Variants in SLC25A26 observed in about 807,000 individuals in gnomAD.
The protein encoded by SLC25A26 is solute carrier family 25 member 26, also known as mitochondrial S-adenosylmethionine carrier protein.
A neutral mutation model predicts 37.8 loss-of-function variants in SLC25A26; 36 were observed. The ratio of observed to expected loss-of-function variants is 0.95; its 90% CI spans 0.73 to 1.26. The LOEUF (loss-of-function observed/expected upper bound fraction) is 1.26. SLC25A26 is among the 50% of genes most tolerant of loss of function. SLC25A26 has a pLI of 0.00. For synonymous variants in SLC25A26, 129 were observed against 122.5 expected (o/e 1.05, Z -0.35); for missense variants, 390 against 331.1 (o/e 1.18, Z -1.38).
intron 1 of SLC25A26, among the ~76,000 whole-genome samples, chr3:66,184,971 T>C (rs1288784619): frequency 6.6e-6 from 1 of 152,182 alleles, no homozygotes; most frequent in East Asian, 1.9e-4. Flanking sequence ...GTAAAATAAA[T>C]GTAATATAAA....
chr3:66,196,570 G>A (rs1256032209), intron 1 of SLC25A26, among the ~76,000 whole-genome samples: 1 of 152,152 alleles, frequency 6.6e-6, no homozygotes, highest in South Asian at 2.1e-4. Context: ...TTCTAGATTA[G>A]CTATTTTGTG....
intron 5 of SLC25A26, among the ~76,000 whole-genome samples, chr3:66,302,716 G>A (rs1284025614): frequency 6.6e-6 from 1 of 152,166 alleles, no homozygotes; most frequent in Non-Finnish European, 1.5e-5. Context: ...ATTGAGCTGG[G>A]CAGGTGTGCT....
intron 6 of SLC25A26, among the ~76,000 whole-genome samples, chr3:66,350,012 C>T (rs940692144): frequency 3.3e-5 from 5 of 152,176 alleles, no homozygotes; most frequent in Non-Finnish European, 7.3e-5. Context: ...TCTGAACGTA[C>T]AATCACAGTG....
chr3:66,176,850 A>G lies in SLC25A26; in HGVS notation c.-354+42866A>G, dbSNP rs147506191. ...GAAGGGGTGAAAGGTGGTGAGATGA[A>G]AAGGGAAGGCCCTGGGAAATCGACC... On this transcript the variant is annotated intron_variant, in intron 1 of 10. Coordinates refer to the SLC25A26 transcript ENST00000676754. Among the ~76,000 whole-genome samples, 276 of 152,296 alleles carry G rather than the reference A, an allele frequency of 1.8e-3. 1 individual carries two copies. In the East Asian group the frequency reaches 0.021, roughly 12 times the overall value.
intron 1 of SLC25A26, among the ~76,000 whole-genome samples, chr3:66,152,268 C>T (rs2070219428): frequency 6.6e-6 from 1 of 152,290 alleles, no homozygotes; most frequent in South Asian, 2.1e-4. Flanking sequence ...AAGGGCTACA[C>T]TTTGAGTAGC....
intron 1 of SLC25A26, among the ~76,000 whole-genome samples, chr3:66,202,612 G>C (rs904408289): frequency 1.3e-5 from 2 of 151,222 alleles, no homozygotes; most frequent in African/African-American, 4.9e-5. Context: ...AGCTTGCTTC[G>C]TTGTAAGAAT....
At chr3:66,349,917 G>C (rs2076411656) in intron 6 of SLC25A26, among the ~76,000 whole-genome samples, 1 of 152,040 alleles carries the variant, frequency 6.6e-6, no homozygotes, top group African/African-American at 2.4e-5. Flanking sequence ...CTTGTGAATT[G>C]GTGTCTCATT....
chr3:66,317,048 A>G (rs1047573805), intron 5 of SLC25A26, among the ~76,000 whole-genome samples: 5 of 152,210 alleles, frequency 3.3e-5, no homozygotes, highest in African/African-American at 1.2e-4. Flanking sequence ...GAGTTAGAAC[A>G]CACTCCTTTA....
chr3:66,233,708 T>C (rs1254894444), intron 1 of SLC25A26, among the ~76,000 whole-genome samples: 2 of 152,210 alleles, frequency 1.3e-5, no homozygotes, highest in Admixed American at 1.3e-4. Context: ...TTTCTTTTTT[T>C]TCAGTCGCAT....
At chr3:66,252,278 A>G (rs2073114304) in intron 3 of SLC25A26, among the ~76,000 whole-genome samples, 1 of 152,220 alleles carries the variant, frequency 6.6e-6, no homozygotes, top group Non-Finnish European at 1.5e-5. Context: ...TGTGCTTTTC[A>G]ATATTTGAGT....
At chr3:66,375,754 C>G (rs1700610955) in intron 9 of SLC25A26, among the ~76,000 whole-genome samples, 2 of 152,096 alleles carry the variant, frequency 1.3e-5, no homozygotes, top group Admixed American at 6.6e-5. Flanking sequence ...CCCTGGAGTT[C>G]TGCTGGAGAT....
chr3:66,203,932 C>T (rs1390497439), intron 1 of SLC25A26, among the ~76,000 whole-genome samples: 1 of 152,120 alleles, frequency 6.6e-6, no homozygotes, highest in Non-Finnish European at 1.5e-5. Context: ...TTTGTATTCC[C>T]TATTCCAAAT....
At chr3:66,244,296 C>T (rs919126657) in intron 3 of SLC25A26, among the ~76,000 whole-genome samples, 2 of 152,178 alleles carry the variant, frequency 1.3e-5, no homozygotes, top group Admixed American at 6.5e-5. Context: ...CAAGCCCGAA[C>T]CTGCACTGAA....
chr3:66,235,544 G>A (rs1460373782), intron 1 of SLC25A26, among the ~76,000 whole-genome samples: 1 of 152,106 alleles, frequency 6.6e-6, no homozygotes, highest in Non-Finnish European at 1.5e-5. Context: ...TACTGTATGA[G>A]TCCTTAGATG....
chr3:66,364,924 C>T (rs536103024), intron 7 of SLC25A26, among the ~76,000 whole-genome samples: 2 of 152,294 alleles, frequency 1.3e-5, no homozygotes, highest in South Asian at 2.1e-4. Context: ...AGTAGAACCA[C>T]ATATATTTAG....
chr3:66,195,862 G>T (rs1324826639), intron 1 of SLC25A26, among the ~76,000 whole-genome samples: 2 of 152,192 alleles, frequency 1.3e-5, no homozygotes, highest in Non-Finnish European at 2.9e-5. Flanking sequence ...TTACATGGAA[G>T]ACCTAAATTC....
At chr3:66,195,988 T>C (rs2071038682) in intron 1 of SLC25A26, among the ~76,000 whole-genome samples, 1 of 152,270 alleles carries the variant, frequency 6.6e-6, no homozygotes, top group African/African-American at 2.4e-5. Flanking sequence ...TACATTTATT[T>C]GTATGAATTT....
chr3:66,281,789 C>T (rs1017595884), intron 5 of SLC25A26, among the ~76,000 whole-genome samples: 1 of 147,718 alleles, frequency 6.8e-6, no homozygotes, highest in Non-Finnish European at 1.5e-5. Context: ...CTTCAGCCTA[C>T]TTCTGTGTTC....
At chr3:66,299,579 A>C (rs2075012063) in intron 5 of SLC25A26, among the ~76,000 whole-genome samples, 1 of 152,196 alleles carries the variant, frequency 6.6e-6, no homozygotes, top group Admixed American at 6.5e-5. Flanking sequence ...ACAGTTCCGT[A>C]GTCCATATTT....
Sources: gnomAD v4.1 joint callset for allele counts (sites outside exome capture counted in the v4.1 genomes callset) on GRCh38, gnomAD v4.1.1 for gene constraint, MANE v1.5 for transcripts, NCBI Gene and HGNC (gene_info 2026-07-23, HGNC 2026-07-21) for gene names.